CDH13: variants seen among roughly 807,000 people sequenced by gnomAD.
The protein encoded by CDH13 is cadherin 13, also known as cadherin-13.
In CDH13, 24 loss-of-function variants were observed where a neutral mutation model predicts 63.8. The ratio of observed to expected loss-of-function variants is 0.38; its 90% CI spans 0.27 to 0.53. The LOEUF is 0.53. Ranked by LOEUF, CDH13 falls within the 20% of genes least tolerant of loss-of-function variation. The probability of loss-of-function intolerance (pLI) is 0.85; values close to 1 mark genes in which losing one functional copy is unlikely to be tolerated. For synonymous variants in CDH13, 503 were observed against 355.3 expected (o/e 1.42, Z -4.67); for missense variants, 1,049 against 903.1 (o/e 1.16, Z -2.07).
intron 6 of CDH13, among the ~76,000 whole-genome samples, chr16:83,350,142 C>A (rs2090921316): frequency 6.6e-6 from 1 of 152,184 alleles, no homozygotes; most frequent in African/African-American, 2.4e-5. Context: ...ACCTGGGATC[C>A]ATCAGCTCCA....
chr16:83,623,696 G>A (rs138358413), intron 8 of CDH13, among the ~76,000 whole-genome samples: 10 of 152,216 alleles, frequency 6.6e-5, no homozygotes, highest in African/African-American at 1.9e-4. Flanking sequence ...TAATAACCAC[G>A]CACTGGCCTC....
At chr16:83,016,418 CT>C (rs1914800018) in intron 2 of CDH13, among the ~76,000 whole-genome samples, 1 of 152,168 alleles carries the variant, frequency 6.6e-6, no homozygotes, top group African/African-American at 2.4e-5. Context: ...TGCCAACTCT[CT>C]TCTAGGGCTA....
chr16:83,393,141 C>A (rs2091820740), intron 6 of CDH13, among the ~76,000 whole-genome samples: 5 of 152,152 alleles, frequency 3.3e-5, no homozygotes, highest in Admixed American at 3.3e-4. Context: ...CCCAAGGATA[C>A]ATCTGGTGCT....
At chr16:83,053,751 A>G (rs1464577428) in intron 3 of CDH13, among the ~76,000 whole-genome samples, 2 of 152,214 alleles carry the variant, frequency 1.3e-5, no homozygotes, top group Admixed American at 6.5e-5. Flanking sequence ...TCATATTTAT[A>G]GAACTATACA....
At chr16:82,843,162 C>T (rs1000616927) in intron 1 of CDH13, among the ~76,000 whole-genome samples, 7 of 152,222 alleles carry the variant, frequency 4.6e-5, no homozygotes, top group African/African-American at 1.7e-4. Flanking sequence ...ATCAGCATGT[C>T]AGTCTTTCCT....
chr16:82,715,757 A>G (rs988023464), intron 1 of CDH13, among the ~76,000 whole-genome samples: 1 of 152,196 alleles, frequency 6.6e-6, no homozygotes, highest in Non-Finnish European at 1.5e-5. Context: ...GACATGCAGC[A>G]CGAAGCAGCG....
chr16:83,359,679 C>T (rs902480628), intron 6 of CDH13, among the ~76,000 whole-genome samples: 1 of 152,120 alleles, frequency 6.6e-6, no homozygotes, highest in African/African-American at 2.4e-5. Flanking sequence ...TATTTGTGCA[C>T]AGAATTAGAA....
intron 2 of CDH13, among the ~76,000 whole-genome samples, chr16:82,927,625 A>C (rs2042344917): frequency 6.6e-6 from 1 of 151,784 alleles, no homozygotes; most frequent in African/African-American, 2.4e-5. Flanking sequence ...TTCCTCAAGA[A>C]CTCTTCCCTA....
chr16:82,783,113 G>A (rs115823138), intron 1 of CDH13, among the ~76,000 whole-genome samples: 7 of 152,328 alleles, frequency 4.6e-5, no homozygotes, highest in Admixed American at 1.3e-4. Context: ...GTTCCATTCC[G>A]TTATTGCAGG....
chr16:82,643,280 C>T (rs536715719), intron 1 of CDH13, among the ~76,000 whole-genome samples: 1 of 152,328 alleles, frequency 6.6e-6, no homozygotes, highest in East Asian at 1.9e-4. Flanking sequence ...AGCCTCAGGG[C>T]TCCTGTTTGT....
intron 6 of CDH13, among the ~76,000 whole-genome samples, chr16:83,449,981 G>C (rs956276692): frequency 1.3e-5 from 2 of 152,266 alleles, no homozygotes; most frequent in East Asian, 1.9e-4. Flanking sequence ...ACCGGTCTTC[G>C]CTAGCAGGGC....
At chr16:83,749,548 C>G (rs529046423) in intron 11 of CDH13, among the ~76,000 whole-genome samples, 1 of 152,206 alleles carries the variant, frequency 6.6e-6, no homozygotes, top group Non-Finnish European at 1.5e-5. Context: ...GGAAAAGTCA[C>G]ATCTTCAAAG....
intron 2 of CDH13, among the ~76,000 whole-genome samples, chr16:82,952,783 C>T (rs1905479810): frequency 6.6e-6 from 1 of 152,200 alleles, no homozygotes; most frequent in Non-Finnish European, 1.5e-5. Context: ...CCACAAGATG[C>T]TTATCTGTAT....
chr16:83,496,499 A>C (rs898973506), intron 7 of CDH13, among the ~76,000 whole-genome samples: 21 of 151,946 alleles, frequency 1.4e-4, no homozygotes, highest in African/African-American at 4.8e-4. Flanking sequence ...CACCTTATAC[A>C]AAAATCAATT....
intron 1 of CDH13, among the ~76,000 whole-genome samples, chr16:82,847,127 A>G (rs1425556196): frequency 6.6e-6 from 1 of 152,058 alleles, no homozygotes; most frequent in East Asian, 1.9e-4. Flanking sequence ...CCCAAATTAT[A>G]TTTACATGTT....
intron 2 of CDH13, among the ~76,000 whole-genome samples, chr16:82,980,570 C>T (rs144519489): frequency 1.3e-4 from 20 of 152,258 alleles, no homozygotes; most frequent in African/African-American, 3.6e-4. Context: ...TAACACTGTG[C>T]GGAGCTCTTA....
chr16:83,672,390 A>C (rs1914573776), intron 9 of CDH13, among the ~76,000 whole-genome samples: 1 of 126,384 alleles, frequency 7.9e-6, no homozygotes, highest in Admixed American at 9.1e-5. Flanking sequence ...AGATAGAGTG[A>C]GGCAGCTCTC....
At chr16:82,801,209 C>A (rs908519303) in intron 1 of CDH13, among the ~76,000 whole-genome samples, 3 of 152,206 alleles carry the variant, frequency 2.0e-5, no homozygotes, top group Non-Finnish European at 4.4e-5. Flanking sequence ...TGGCCACCAA[C>A]ACCTATGAGA....
chr16:83,160,407 G>C (rs1401417004), intron 4 of CDH13, among the ~76,000 whole-genome samples: 1 of 152,124 alleles, frequency 6.6e-6, no homozygotes, highest in Non-Finnish European at 1.5e-5. Context: ...TAGCAATTAA[G>C]ACTGTGGTTG....
Sources: allele counts gnomAD v4.1 joint callset (sites outside exome capture counted in the v4.1 genomes callset), GRCh38; gene constraint gnomAD v4.1.1; transcripts MANE v1.5; gene names NCBI Gene and HGNC (gene_info 2026-07-23, HGNC 2026-07-21).